Variants in IQGAP1 observed in about 807,000 individuals in gnomAD.
The protein encoded by IQGAP1 is IQ motif containing GTPase activating protein 1, also known as ras GTPase-activating-like protein IQGAP1.
IQGAP1 carries 66 observed loss-of-function variants against 215.6 expected under a neutral mutation model. The observed-to-expected ratio is 0.31, with a 90% CI of 0.25 to 0.38. The LOEUF is 0.38. IQGAP1 is among the 10% of genes least tolerant of loss of function. The probability of loss-of-function intolerance (pLI) is 1.00; values close to 1 mark genes in which losing one functional copy is unlikely to be tolerated. For synonymous variants in IQGAP1, 772 were observed against 728.7 expected (o/e 1.06, Z -0.96); for missense variants, 1,712 against 1,997.1 (o/e 0.86, Z 2.72).
rs562013413 is a variant in IQGAP1 at position 90,495,685 on chromosome 15, A to G, written c.4751+850A>G. Among the ~76,000 whole-genome samples, 89 of 145,112 alleles carry G rather than the reference A, an allele frequency of 6.1e-4. No homozygotes were observed. The South Asian group carries it at 0.019, about 30-fold the overall frequency. The stretch of plus-strand genomic sequence containing the variant: ...TTTTCACGGAGTCTCTCTGTCACCC[A>G]AGAGTACAGTGGCGCGATCTCAGCT... On this transcript the variant is annotated intron_variant, in intron 36 of 37. Coordinates refer to ENST00000268182, the MANE Select transcript of IQGAP1 (RefSeq NM_003870.4).
chr15:90,449,241 A>T (rs1333890379), intron 10 of IQGAP1, among the ~76,000 whole-genome samples: 1 of 152,148 alleles, frequency 6.6e-6, no homozygotes, highest in African/African-American at 2.4e-5. Flanking sequence ...CATTTTACAA[A>T]TATCCAGCGT....
chr15:90,445,428 C>T (rs1965513623), intron 9 of IQGAP1, among the ~76,000 whole-genome samples: 1 of 152,104 alleles, frequency 6.6e-6, no homozygotes, highest in Admixed American at 6.5e-5. Context: ...ACTTCAGTGC[C>T]TGTCACAGTT....
chr15:90,421,198 G>A (rs1965130457), intron 2 of IQGAP1, among the ~76,000 whole-genome samples: 1 of 151,832 alleles, frequency 6.6e-6, no homozygotes. Flanking sequence ...GCTAGAGGCT[G>A]GGCGTGGTGG....
intron 4 of IQGAP1, chr15:90,431,185 T>C (rs1965298218): frequency 6.6e-6 from 1 of 151,940 alleles, no homozygotes; most frequent in African/African-American, 2.4e-5. Flanking sequence ...GAACTGAGTC[T>C]TTGCAGAAGA....
chr15:90,497,035 C>G, intron 36 of IQGAP1, 197 bp from the exon 37 acceptor site: 2 of 453,474 alleles, frequency 4.4e-6, no homozygotes, highest in Non-Finnish European at 7.9e-6. Context: ...GGTTGCCATT[C>G]CTCTCTCCAA....
At chr15:90,433,454 A>G (rs959293025) in intron 4 of IQGAP1, among the ~76,000 whole-genome samples, 2 of 152,168 alleles carry the variant, frequency 1.3e-5, no homozygotes, top group Non-Finnish European at 2.9e-5. Context: ...TCTCACACCT[A>G]ATGAAATTCA....
At chr15:90,443,340 T>C in intron 8 of IQGAP1, 54 bp from the exon 9 acceptor site, 1 of 1,078,500 alleles carries the variant, frequency 9.3e-7, no homozygotes. Flanking sequence ...TGTATTTATG[T>C]GGTCTTCTTA....
In IQGAP1 at chr15:90,464,614, G is replaced by A. The variant is rs180704672; in HGVS notation, c.1777-1387G>A. On this transcript the variant is annotated intron_variant, in intron 15 of 37. Transcript: ENST00000268182. ...ACCTGTAATCCCAGCACTATGGGAG[G>A]CCAGGACGTGCAGATCACAAGGTCA... Among the ~76,000 whole-genome samples the A allele has an allele frequency of 2.6e-5, 4 of 152,182 alleles. No homozygotes were observed. The East Asian group carries it at 7.7e-4, about 29-fold the overall frequency.
Position 90,466,455 on chromosome 15 carries a change from C to T in IQGAP1, c.2035+19C>T, listed in dbSNP as rs751264435. On this transcript the variant is annotated intron_variant, in intron 17 of 37. Coordinates refer to ENST00000268182, the MANE Select transcript of IQGAP1 (RefSeq NM_003870.4). ...GCAGTAGGTGAGTTCTGGGATAATA[C>T]ATATGTGCCCTGAAGCTAACCCTTG... 7 of 1,612,636 alleles carry T rather than the reference C, an allele frequency of 4.3e-6. No homozygotes were observed. The Admixed American group carries it at 6.7e-5, about 15-fold the overall frequency.
intron 2 of IQGAP1, among the ~76,000 whole-genome samples, chr15:90,422,476 A>G (rs1201028747): frequency 1.3e-5 from 2 of 151,868 alleles, no homozygotes; most frequent in African/African-American, 4.8e-5. Context: ...ACATTTAGAA[A>G]TGACATAAAT....
intron 2 of IQGAP1, among the ~76,000 whole-genome samples, chr15:90,396,133 G>A (rs1465977156): frequency 6.6e-6 from 1 of 152,214 alleles, no homozygotes; most frequent in African/African-American, 2.4e-5. Flanking sequence ...ATCTTGGAAA[G>A]AAATTAGTTC....
At chr15:90,464,384 G>T (rs1406509663) in intron 15 of IQGAP1, among the ~76,000 whole-genome samples, 1 of 152,070 alleles carries the variant, frequency 6.6e-6, no homozygotes, top group South Asian at 2.1e-4. Flanking sequence ...CATAACCTCA[G>T]TATGACCATG....
chr15:90,477,653 G>C lies in IQGAP1; in HGVS notation c.3105-12G>C. 6.3e-7 allele frequency: 1 copy of C among 1,576,162 alleles called. No homozygotes were observed. Among genetic ancestry groups the C allele is most frequent in the Non-Finnish European group, 8.7e-7 (1 of 1,146,028 alleles). On this transcript the variant is annotated splice_polypyrimidine_tract_variant and intron_variant, in intron 25 of 37. Transcript: ENST00000268182. ...TTGTGACAAGTTTAAATTTTTATCT[G>C]ATGTTTTATAGGTCGAAGGTAGATC...
rs570370915 is a variant in IQGAP1 at position 90,487,196 on chromosome 15, G to A, written c.4160+107G>A. On this transcript the variant is annotated intron_variant, in intron 32 of 37. Coordinates refer to ENST00000268182, the MANE Select transcript of IQGAP1 (RefSeq NM_003870.4). ...CCTGAAATGACCATCCTGACCTCTCGTACTTGTCATAATCCCAGTCACCAA... is the reference window on the plus strand; with the variant it reads ...CCTGAAATGACCATCCTGACCTCTCATACTTGTCATAATCCCAGTCACCAA... 1.8e-5 allele frequency: 20 copies of A among 1,082,374 alleles called. No homozygotes were observed. In the Middle Eastern group the frequency reaches 1.5e-3, roughly 81 times the overall value. The allele number at this position is 1,082,374 out of a possible 1,614,324, so 67.0% of individuals were successfully genotyped here. A position where few individuals can be genotyped will look rare whatever the true frequency, so the allele number is the denominator to read the frequency against.
At position 90,427,251 on chromosome 15, in the gene IQGAP1, G is replaced by T. The variant is rs968590859; in HGVS notation, c.312+985G>T. Among the ~76,000 whole-genome samples, 15 of 152,060 alleles carry T rather than the reference G, an allele frequency of 9.9e-5. 1 individual carries two copies. Among genetic ancestry groups the T allele is most frequent in the African/African-American group, 3.6e-4 (15 of 41,394 alleles). On this transcript the variant is annotated intron_variant, in intron 3 of 37. Coordinates refer to ENST00000268182, the MANE Select transcript of IQGAP1 (RefSeq NM_003870.4). ...CACTCCCACCTGTCTCTTAAAAAAA[G>T]AAATGAATTTTAAGCACTGAGATTT...
rs1966326437 is a variant in IQGAP1 at position 90,500,382 on chromosome 15, TTC to T, written c.*278_*279del. ...GAAAGAGTGGAAACTCCACTAAAAT[TTC>T]TCTGTGTTGTTACAGTCTTAGAGGT... On this transcript the variant is annotated 3_prime_UTR_variant, in exon 38 of 38. Coordinates refer to ENST00000268182, the MANE Select transcript of IQGAP1 (RefSeq NM_003870.4). 8 of 349,290 alleles carry T rather than the reference TTC, an allele frequency of 2.3e-5. No individual in the cohort carries two copies. In the South Asian group the frequency reaches 3.0e-4, roughly 13 times the overall value. The allele number at this position is 349,290 out of a possible 1,614,324, so 21.6% of individuals were successfully genotyped here. A position where few individuals can be genotyped will look rare whatever the true frequency, so the allele number is the denominator to read the frequency against.
chr15:90,456,533 TTG>T (rs1965682783), intron 15 of IQGAP1, among the ~76,000 whole-genome samples: 1 of 152,120 alleles, frequency 6.6e-6, no homozygotes, highest in Non-Finnish European at 1.5e-5. Flanking sequence ...CTTTTGTTTG[TTG>T]TTGACAGTCT....
At chr15:90,448,781 A>G in intron 10 of IQGAP1, 45 bp downstream of exon 10, 1 of 1,380,084 alleles carries the variant, frequency 7.2e-7, no homozygotes, top group African/African-American at 1.5e-5. Flanking sequence ...GTATATATCC[A>G]TTCGAATCCC....
At position 90,491,434 on chromosome 15, in the gene IQGAP1, C is replaced by T; in HGVS notation, c.4350C>T (p.Leu1450=). Residue 1450 remains leucine (L), a synonymous_variant, in exon 34 of 38, where the codon CTC becomes CTT. Transcript: ENST00000268182. Reference sequence around the variant, plus strand: ...AATCTGTAAAGGAAGACAGCAACCTCACTCTTCAAGAGAAGAAAGAGAAGA... The same window carrying T: ...AATCTGTAAAGGAAGACAGCAACCTTACTCTTCAAGAGAAGAAAGAGAAGA... ...KSKSVKEDSN[L]TLQEKKEKIQ... The T allele has an allele frequency of 2.5e-6, 4 of 1,614,130 alleles. No individual in the cohort carries two copies. The highest frequency in any genetic ancestry group is 3.4e-6 in the Non-Finnish European group (4 of 1,179,986).
Sources: allele counts gnomAD v4.1 joint callset (sites outside exome capture counted in the v4.1 genomes callset), GRCh38; gene constraint gnomAD v4.1.1; transcripts MANE v1.5; gene names NCBI Gene and HGNC (gene_info 2026-07-23, HGNC 2026-07-21).